TOP2A: variants seen among roughly 807,000 people sequenced by gnomAD.
The protein encoded by TOP2A is DNA topoisomerase II alpha, also known as DNA topoisomerase 2-alpha.
Under a neutral mutation model 187.2 loss-of-function variants are expected in TOP2A, and 68 were observed. The observed-to-expected ratio is 0.36, with a 90% confidence interval of 0.30 to 0.44. The LOEUF (loss-of-function observed/expected upper bound fraction) is 0.44. Among genes scored for constraint, TOP2A ranks in the 20% least tolerant of loss-of-function variants. TOP2A has a pLI of 1.00. For synonymous variants in TOP2A, 542 were observed against 593.2 expected, an observed-to-expected ratio of 0.91 and a Z score of 1.25; for missense variants, 1,196 against 1,808.7, an observed-to-expected ratio of 0.66 and a Z score of 6.14.
chr17:40,413,049 G>T, intron 6 of TOP2A, 78 bp from the exon 7 acceptor site: 1 of 1,335,522 alleles, frequency 7.5e-7, no homozygotes, highest in Non-Finnish European at 1.0e-6. Context: ...AAATTTATGA[G>T]TCCTAATAAC....
intron 27 of TOP2A, 138 bp from the exon 28 acceptor site, chr17:40,396,603 T>A: frequency 9.5e-7 from 1 of 1,050,280 alleles, no homozygotes; most frequent in South Asian, 1.7e-5. Context: ...TAGTATACTA[T>A]CAACAATAGT....
chr17:40,398,008 C>T (rs2035123491), intron 27 of TOP2A, among the ~76,000 whole-genome samples: 1 of 151,994 alleles, frequency 6.6e-6, no homozygotes, highest in South Asian at 2.1e-4. Context: ...GAACTCCCAA[C>T]CTCAGGTGAT....
chr17:40,406,811 G>A, intron 14 of TOP2A, 21 bp downstream of exon 14: 1 of 1,588,972 alleles, frequency 6.3e-7, no homozygotes, highest in Admixed American at 1.7e-5. Flanking sequence ...TATCCATGAT[G>A]GTACTTAGAA....
At chr17:40,409,374 C>CAAA in intron 10 of TOP2A, 1 of 331,128 alleles carries the variant, frequency 3.0e-6, no homozygotes, top group Non-Finnish European at 5.9e-6. Flanking sequence ...AAGCTGTCTC[C>CAAA]AAAAAAAAAA....
chr17:40,403,060 G>A lies in TOP2A; in HGVS notation c.2284-6C>T. On this transcript the variant is annotated splice_region_variant and splice_polypyrimidine_tract_variant and intron_variant, in intron 19 of 34. Transcript: ENST00000423485. ...ATGGTCATCATTAGTGACATCTGTG[G>A]GGAAAAAAAGATTCATTAAGCTGAG... The A allele has an allele frequency of 6.3e-7, 1 of 1,586,694 alleles. No homozygotes were observed. The highest frequency in any genetic ancestry group is 8.6e-7 in the Non-Finnish European group (1 of 1,165,216).
intron 2 of TOP2A, 59 bp from the exon 3 acceptor site, chr17:40,416,571 A>G (rs2035393085): frequency 2.0e-6 from 3 of 1,463,900 alleles, no homozygotes; most frequent in Non-Finnish European, 2.9e-6. Flanking sequence ...TTCTGTTATC[A>G]TGATTACCAT....
intron 15 of TOP2A, 35 bp from the exon 16 acceptor site, chr17:40,406,528 G>C: frequency 1.2e-6 from 2 of 1,608,552 alleles, no homozygotes; most frequent in Non-Finnish European, 1.7e-6. Flanking sequence ...CCTTCATATA[G>C]TCTTGTACAG....
Position 40,413,220 on chromosome 17 carries a change from C to G in TOP2A, c.551G>C (p.Arg184Thr). The G allele has an allele frequency of 6.4e-7, 1 of 1,562,060 alleles. No individual in the cohort carries two copies. Among genetic ancestry groups the G allele is most frequent in the Non-Finnish European group, 8.7e-7 (1 of 1,151,492 alleles). ...STKFTVETASREYKKMFKQTW... is the reference protein window; with the variant it reads ...STKFTVETASTEYKKMFKQTW... ...CTGTTTGAACATTTTCTTGTATTCTCTACTGGCTGTTTCCACAGTAAATTT... is the reference window on the plus strand; with the variant it reads ...CTGTTTGAACATTTTCTTGTATTCTGTACTGGCTGTTTCCACAGTAAATTT... The change falls in exon 6 of 35, where the codon AGA (arginine) becomes ACA (threonine). Residue 184 changes from arginine (R) to threonine (T), a missense_variant. Transcript: ENST00000423485.
intron 24 of TOP2A, among the ~76,000 whole-genome samples, chr17:40,399,650 T>C (rs2035151714): frequency 6.6e-6 from 1 of 152,174 alleles, no homozygotes; most frequent in African/African-American, 2.4e-5. Context: ...CATGTCTAAT[T>C]GTCAACTAAA....
intron 16 of TOP2A, among the ~76,000 whole-genome samples, chr17:40,405,976 C>T (rs2035239809): frequency 6.6e-6 from 1 of 152,146 alleles, no homozygotes; most frequent in African/African-American, 2.4e-5. Flanking sequence ...CCTTGTTAGC[C>T]AGGATGGTCT....
chr17:40,416,973 C>A, intron 1 of TOP2A, 78 bp from the exon 2 acceptor site: 1 of 1,266,006 alleles, frequency 7.9e-7, no homozygotes, highest in Non-Finnish European at 1.1e-6. Flanking sequence ...AAAATGCCTA[C>A]CATAGTGAGA....
chr17:40,417,487 C>A lies in TOP2A; in HGVS notation c.21+284G>T, dbSNP rs544951277. 5.6e-5 allele frequency: 76 copies of A among 1,354,280 alleles called. No homozygotes were observed. The African/African-American group carries it at 1.1e-3, about 19-fold the overall frequency. 83.9% of individuals were successfully genotyped at this position (1,354,280 alleles called of 1,614,324 possible). A position where few individuals can be genotyped will look rare whatever the true frequency, so the allele number is the denominator to read the frequency against. ...GTACGCGCGACTCAATAACGTCGCA[C>A]CCGGGCCGCTGTAACATGGATCCAC... On this transcript the variant is annotated intron_variant, in intron 1 of 34. Transcript: ENST00000423485.
chr17:40,395,812 C>T (rs551541393), intron 28 of TOP2A, among the ~76,000 whole-genome samples: 263 of 151,948 alleles, frequency 1.7e-3, no homozygotes, highest in African/African-American at 5.2e-3. Flanking sequence ...CGCTTGAATA[C>T]GGGAGGCGGA....
intron 33 of TOP2A, among the ~76,000 whole-genome samples, chr17:40,390,924 C>G (rs948891583): frequency 1.3e-5 from 2 of 151,432 alleles, no homozygotes; most frequent in African/African-American, 4.9e-5. Context: ...TGCACCCAGC[C>G]TTAAACTTAA....
chr17:40,407,743 T>C, intron 12 of TOP2A, 69 bp from the exon 13 acceptor site: 2 of 1,427,044 alleles, frequency 1.4e-6, no homozygotes, highest in African/African-American at 2.9e-5. Context: ...TTTAACAGTA[T>C]ATGTTGCTTG....
intron 10 of TOP2A, chr17:40,409,619 T>G (rs939809728): frequency 2.9e-5 from 9 of 314,020 alleles, no homozygotes; most frequent in Non-Finnish European, 5.0e-5. Flanking sequence ...ATTAGCTGGA[T>G]GTGATGGTGC....
Position 40,400,539 on chromosome 17 carries a change from G to A in TOP2A, c.2789C>T (p.Thr930Ile). 6.2e-7 allele frequency: 1 copy of A among 1,609,126 alleles called. No homozygotes were observed. The highest frequency in any genetic ancestry group is 8.5e-7 in the Non-Finnish European group (1 of 1,178,522). The change falls in exon 22 of 35, where the codon ACA (threonine) becomes ATA (isoleucine). Residue 930 changes from threonine to isoleucine, a missense_variant. Around this residue, in one of 10 missense-constraint regions of TOP2A, gnomAD observed 232 missense variants for 306.1 expected, o/e 0.76. Transcript: ENST00000423485. ...TCCATAATTATTTACCTGGGTCCAT[G>A]TTCTGACGGGAAGCTCTGAGATTTC... ...TIEISELPVR[T>I]WTQTYKEQVL...
chr17:40,403,170 C>A, intron 19 of TOP2A, 116 bp from the exon 20 acceptor site: 1 of 1,012,178 alleles, frequency 9.9e-7, no homozygotes. Flanking sequence ...AGTGACTTTC[C>A]TCAGATTAAT....
At chr17:40,408,913 G>A (rs1325242202) in intron 10 of TOP2A, 1 of 523,682 alleles carries the variant, frequency 1.9e-6, no homozygotes, top group Non-Finnish European at 3.7e-6. Flanking sequence ...AAACAAATTA[G>A]ACCAGGCACG....
Sources: allele counts gnomAD v4.1 joint callset (sites outside exome capture counted in the v4.1 genomes callset), GRCh38; gene constraint gnomAD v4.1.1; regional missense constraint gnomAD v4.1.1; transcripts MANE v1.5; gene names NCBI Gene and HGNC (gene_info 2026-07-23, HGNC 2026-07-21).